APTX: variants seen among roughly 807,000 people sequenced by gnomAD.
APTX encodes the protein forkhead-associated domain histidine triad-like protein.
APTX carries 33 observed loss-of-function variants against 42.3 expected under a neutral mutation model. That is an observed-to-expected ratio of 0.78 (90% CI 0.59 to 1.04). APTX has a LOEUF of 1.04. APTX is among the 50% of genes least tolerant of loss of function. APTX has a pLI of 0.00. For missense variants in APTX, 421 were observed against 415.1 expected (o/e 1.01, Z -0.12); for synonymous variants, 130 against 146.7 (o/e 0.89, Z 0.82).
At chr9:33,024,133 T>C (rs1307872288) in intron 1 of APTX, among the ~76,000 whole-genome samples, 1 of 152,246 alleles carries the variant, frequency 6.6e-6, no homozygotes, top group African/African-American at 2.4e-5. Flanking sequence ...TTGTTTGGCT[T>C]CTCACTAAAG....
chr9:33,022,974 G>T (rs1838511127), intron 1 of APTX, among the ~76,000 whole-genome samples: 1 of 151,994 alleles, frequency 6.6e-6, no homozygotes, highest in South Asian at 2.1e-4. Context: ...GTAGCTGGGA[G>T]TACAGGCCCA....
chr9:32,987,518 T>G (rs1319122197), intron 4 of APTX, 26 bp downstream of exon 4: 1 of 1,612,622 alleles, frequency 6.2e-7, no homozygotes, highest in Admixed American at 1.7e-5. Flanking sequence ...CTTCTCCACA[T>G]CATCTACCAA....
At chr9:32,989,998 A>C in intron 1 of APTX, 103 bp from the exon 2 acceptor site, 1 of 1,452,088 alleles carries the variant, frequency 6.9e-7, no homozygotes, top group Non-Finnish European at 9.4e-7. Flanking sequence ...CCAGCTGTTC[A>C]TCTTGAGGCA....
chr9:32,993,108 A>G (rs895491649), intron 1 of APTX, among the ~76,000 whole-genome samples: 2 of 152,216 alleles, frequency 1.3e-5, no homozygotes, highest in Non-Finnish European at 2.9e-5. Flanking sequence ...AGAGCAGGGC[A>G]AGAGAGGAAT....
At position 32,973,270 on chromosome 9, in the gene APTX, T is replaced by C. The variant is rs1057260827; in HGVS notation, c.*228A>G. On this transcript the variant is annotated 3_prime_UTR_variant, in exon 8 of 8. Coordinates refer to ENST00000379817, the MANE Select transcript of APTX (RefSeq NM_001195248.2). ...CCTTCTGAAGATGGTGGGTCAGGTA[T>C]ATCCCAGCCACCCTCACCAGAGAAT... 3.1e-6 allele frequency: 2 copies of C among 635,026 alleles called. No individual in the cohort carries two copies. Among genetic ancestry groups the C allele is most frequent in the African/African-American group, 3.6e-5 (2 of 55,814 alleles). The allele number at this position is 635,026 out of a possible 1,614,324, so 39.3% of individuals were successfully genotyped here. A position where few individuals can be genotyped will look rare whatever the true frequency, so the allele number is the denominator to read the frequency against.
chr9:33,007,020 A>AAAGAAAGAAAG (rs1554675094), intron 1 of APTX, among the ~76,000 whole-genome samples: 2 of 134,590 alleles, frequency 1.5e-5, no homozygotes, highest in Non-Finnish European at 3.1e-5. Context: ...AAAAAAAAAA[A>AAAGAAAGAAAG]AAAGAAAGAA....
intron 1 of APTX, among the ~76,000 whole-genome samples, chr9:33,024,578 C>T (rs745882943): frequency 3.3e-5 from 5 of 152,148 alleles, no homozygotes; most frequent in African/African-American, 4.8e-5. Flanking sequence ...GCCCTCTGTA[C>T]ATCAAAGACG....
rs1288632218 is a variant in APTX, at chr9:33,018,554, G to A, written c.-5+6469C>T. On this transcript the variant is annotated intron_variant, in intron 1 of 6. Coordinates refer to the APTX transcript ENST00000436040. ...TTGCACTCCAGCCTGGGGGACAAGA[G>A]CAAGACTTCGTCTCAGAAAAAAAAA... Among the ~76,000 whole-genome samples, 7 of 124,736 alleles carry A rather than the reference G, an allele frequency of 5.6e-5. No homozygotes were observed. In the East Asian group the frequency reaches 1.7e-3, roughly 31 times the overall value. 81.8% of individuals were successfully genotyped at this position (124,736 alleles called of 152,430 possible).
chr9:33,020,505 C>G (rs1775738647), intron 1 of APTX, among the ~76,000 whole-genome samples: 1 of 152,210 alleles, frequency 6.6e-6, no homozygotes, highest in African/African-American at 2.4e-5. Flanking sequence ...CATTAGCACC[C>G]AAGTGATTAT....
rs1832643912 is a variant in APTX at position 32,988,130 on chromosome 9, C to T, written c.134-1G>A. The stretch of plus-strand genomic sequence containing the variant: ...TTGTTACACTCTGCTTTCAACTGTA[C>T]TGAAAGAGATTGGAAAAAGTTAAAC... On this transcript the variant is annotated splice_acceptor_variant, in intron 2 of 7. Coordinates refer to ENST00000379817, the MANE Select transcript of APTX (RefSeq NM_001195248.2). LOFTEE classifies it high-confidence loss of function. The T allele has an allele frequency of 6.2e-7, 1 of 1,613,804 alleles. No homozygotes were observed. The highest frequency in any genetic ancestry group is 1.1e-5 in the South Asian group (1 of 91,082).
intron 1 of APTX, 139 bp from the exon 2 acceptor site, chr9:32,990,034 T>C (rs1262278866): frequency 5.0e-6 from 5 of 997,142 alleles, no homozygotes; most frequent in East Asian, 2.6e-5. Flanking sequence ...CTAGTCTCAA[T>C]TTCCTCACCT....
At chr9:33,022,674 G>A (rs1838480764) in intron 1 of APTX, among the ~76,000 whole-genome samples, 2 of 152,146 alleles carry the variant, frequency 1.3e-5, no homozygotes, top group African/African-American at 2.4e-5. Context: ...AAATAACAAG[G>A]CAGATTAGTT....
At chr9:32,982,736 AT>A (rs1830968839) in intron 6 of APTX, among the ~76,000 whole-genome samples, 1 of 152,210 alleles carries the variant, frequency 6.6e-6, no homozygotes, top group Admixed American at 6.5e-5. Context: ...AGGTATGGGC[AT>A]CACGATCACT....
At chr9:32,991,806 C>A (rs985847301) in intron 1 of APTX, among the ~76,000 whole-genome samples, 13 of 149,342 alleles carry the variant, frequency 8.7e-5, no homozygotes, top group African/African-American at 3.2e-4. Context: ...GAGACACTCA[C>A]CAAAGACTTC....
At chr9:33,001,785 A>G (rs1260829092), upstream of APTX, 1 of 760,482 alleles carries the variant, frequency 1.3e-6, no homozygotes, top group Non-Finnish European at 2.2e-6. Context: ...GGATCCTGGA[A>G]GTTATGCCTG....
At chr9:33,004,005 A>G (rs1836942263), upstream of APTX, among the ~76,000 whole-genome samples, 1 of 152,248 alleles carries the variant, frequency 6.6e-6, no homozygotes, top group African/African-American at 2.4e-5. Flanking sequence ...CAATTGCAAG[A>G]ACATGGAACC....
intron 1 of APTX, among the ~76,000 whole-genome samples, chr9:32,992,731 T>C (rs763486849): frequency 5.3e-5 from 8 of 152,212 alleles, no homozygotes; most frequent in Non-Finnish European, 1.0e-4. Flanking sequence ...CAGCTGTGTG[T>C]AGGCAGTCTA....
At chr9:32,996,426 C>T (rs183124801) in intron 1 of APTX, among the ~76,000 whole-genome samples, 2 of 152,092 alleles carry the variant, frequency 1.3e-5, no homozygotes, top group African/African-American at 2.4e-5. Context: ...CAGACACACA[C>T]CACCATGCCT....
rs748832417 is a variant in APTX, at chr9:32,989,859, G to T, written c.33C>A (p.Asp11Glu). Residue 11 changes from aspartate to glutamate, a missense_variant, in exon 2 of 8, where the codon GAC (aspartate) becomes GAA (glutamate). Transcript: ENST00000379817. ...GAAGTCTGATTCGCTGGTGCCGGCTGTCCTGTCTCACCAACCAGCACACCC... is the reference window on the plus strand; with the variant it reads ...GAAGTCTGATTCGCTGGTGCCGGCTTTCCTGTCTCACCAACCAGCACACCC... MMRVCWLVRQ[D>E]SRHQRIRLPH... The T allele has an allele frequency of 6.2e-7, 1 of 1,614,194 alleles. No homozygotes were observed. Among genetic ancestry groups the T allele is most frequent in the South Asian group, 1.1e-5 (1 of 91,080 alleles).
Sources: allele counts gnomAD v4.1 joint callset (sites outside exome capture counted in the v4.1 genomes callset), GRCh38; gene constraint gnomAD v4.1.1; transcripts MANE v1.5; gene names NCBI Gene and HGNC (gene_info 2026-07-23, HGNC 2026-07-21).